Variants in ELP4 observed in about 807,000 individuals in gnomAD.
ELP4 encodes elongator complex protein 4.
In ELP4, 51 loss-of-function variants were observed where a neutral mutation model predicts 48.9. That is an observed-to-expected ratio of 1.04 (90% confidence interval 0.83 to 1.32). The LOEUF (loss-of-function observed/expected upper bound fraction) is 1.32, where lower values mean the gene tolerates loss of function less well. Among genes scored for constraint, ELP4 ranks in the 40% most tolerant of loss-of-function variants. The pLI is 0.00. For synonymous variants in ELP4, 210 were observed against 189.2 expected (o/e 1.11, Z -0.90); for missense variants, 519 against 514.6 (o/e 1.01, Z -0.08).
At chr11:31,782,620 A>T (rs934892914) in intron 9 of ELP4, among the ~76,000 whole-genome samples, 26 of 152,208 alleles carry the variant, frequency 1.7e-4, no homozygotes, top group Admixed American at 7.2e-4. Flanking sequence ...TAACTTCTGT[A>T]ATTGTGGTCA....
intron 9 of ELP4, among the ~76,000 whole-genome samples, chr11:31,766,331 G>T (rs1474230682): frequency 6.6e-6 from 1 of 152,064 alleles, no homozygotes; most frequent in African/African-American, 2.4e-5. Flanking sequence ...AGTTCTAGTT[G>T]TATATCTACC....
At chr11:31,732,311 G>A (rs1382198688) in intron 9 of ELP4, among the ~76,000 whole-genome samples, 1 of 152,052 alleles carries the variant, frequency 6.6e-6, no homozygotes, top group African/African-American at 2.4e-5. Context: ...TGGGGGTAGT[G>A]ATAGAATAGT....
chr11:31,576,634 C>T (rs1287852887), intron 3 of ELP4, among the ~76,000 whole-genome samples: 1 of 152,094 alleles, frequency 6.6e-6, no homozygotes, highest in East Asian at 1.9e-4. Flanking sequence ...AGGATTAAGA[C>T]ACTCACTCAA....
intron 3 of ELP4, among the ~76,000 whole-genome samples, chr11:31,587,815 A>G (rs570941620): frequency 2.6e-5 from 4 of 152,172 alleles, no homozygotes. Context: ...ACATTTTTAA[A>G]GATAGCTTTA....
intron 8 of ELP4, chr11:31,649,352 G>A (rs2134072332): frequency 6.6e-6 from 1 of 151,734 alleles, no homozygotes; most frequent in African/African-American, 2.4e-5. Flanking sequence ...GAAAGATGTA[G>A]TGAAGAACCT....
rs185357600 is a variant in ELP4 at position 31,517,065 on chromosome 11, C to A, written c.224-2991C>A. Reference sequence around the variant, plus strand: ...ATTGATGTTTAGCCTCACTGTAAATCGCTTAGCACAAGTCTCATGTTGCAT... The same window carrying A: ...ATTGATGTTTAGCCTCACTGTAAATAGCTTAGCACAAGTCTCATGTTGCAT... On this transcript the variant is annotated intron_variant, in intron 1 of 9. Transcript: ENST00000640961. Among the ~76,000 whole-genome samples the A allele has an allele frequency of 1.3e-3, 197 of 152,250 alleles. 1 individual carries two copies. Among genetic ancestry groups the A allele is most frequent in the African/African-American group, 4.2e-3 (173 of 41,544 alleles).
intron 6 of ELP4, chr11:31,628,546 C>T (rs752068961): frequency 1.3e-5 from 2 of 151,234 alleles, no homozygotes; most frequent in Non-Finnish European, 2.9e-5. Context: ...GTTGTTTATT[C>T]GATGATGAAA....
At chr11:31,623,071 A>G (rs1944655526) in intron 5 of ELP4, among the ~76,000 whole-genome samples, 1 of 151,138 alleles carries the variant, frequency 6.6e-6, no homozygotes, top group Admixed American at 6.6e-5. Flanking sequence ...ATTCAGGCAA[A>G]ATAGTATACA....
chr11:31,597,025 A>T (rs932520172), intron 4 of ELP4, among the ~76,000 whole-genome samples: 1 of 152,190 alleles, frequency 6.6e-6, no homozygotes, highest in African/African-American at 2.4e-5. Flanking sequence ...GGGGAAGCTG[A>T]TACTCATACT....
chr11:31,545,187 A>G (rs1414899630), intron 3 of ELP4, among the ~76,000 whole-genome samples: 1 of 152,206 alleles, frequency 6.6e-6, no homozygotes, highest in Non-Finnish European at 1.5e-5. Flanking sequence ...TCAAACTACG[A>G]GCTACAGGAG....
intron 6 of ELP4, among the ~76,000 whole-genome samples, chr11:31,629,008 A>G (rs1471511104): frequency 1.3e-5 from 2 of 152,064 alleles, no homozygotes; most frequent in Admixed American, 6.6e-5. Context: ...CAAATAAACA[A>G]CTAATTTGAG....
intron 1 of ELP4, among the ~76,000 whole-genome samples, chr11:31,519,239 C>T (rs1453017981): frequency 6.6e-6 from 1 of 152,052 alleles, no homozygotes; most frequent in Admixed American, 6.6e-5. Context: ...TAGAGCATGT[C>T]CAGACTTTGT....
chr11:31,723,589 T>C (rs1341800414), intron 9 of ELP4, among the ~76,000 whole-genome samples: 1 of 152,178 alleles, frequency 6.6e-6, no homozygotes, highest in Non-Finnish European at 1.5e-5. Context: ...CCAGACATTG[T>C]TCTAAGCACT....
chr11:31,719,920 A>G (rs1946924404), intron 9 of ELP4: 1 of 154,902 alleles, frequency 6.5e-6, no homozygotes, highest in Non-Finnish European at 1.4e-5. Flanking sequence ...ATTCTCTTAT[A>G]TCTGAAATTT....
intron 9 of ELP4, 126 bp downstream of exon 9, chr11:31,650,347 G>T: frequency 2.3e-6 from 1 of 443,274 alleles, no homozygotes; most frequent in South Asian, 6.7e-5. Flanking sequence ...CATGTTTTAT[G>T]CTAAGTATTT....
chr11:31,588,050 T>C (rs1424636679), intron 3 of ELP4, among the ~76,000 whole-genome samples: 2 of 152,158 alleles, frequency 1.3e-5, no homozygotes, highest in Admixed American at 6.5e-5. Context: ...TTAAAACATA[T>C]ATGTTTCTGT....
At chr11:31,659,299 T>C (rs947673874) in intron 9 of ELP4, among the ~76,000 whole-genome samples, 5 of 152,122 alleles carry the variant, frequency 3.3e-5, no homozygotes, top group African/African-American at 1.2e-4. Flanking sequence ...TCTGGTATCG[T>C]GAAATTCACT....
intron 3 of ELP4, among the ~76,000 whole-genome samples, chr11:31,584,725 G>A (rs1212234621): frequency 6.6e-6 from 1 of 151,894 alleles, no homozygotes; most frequent in East Asian, 1.9e-4. Context: ...GGGTTTCGCC[G>A]TGTTGGGCAG....
intron 5 of ELP4, among the ~76,000 whole-genome samples, chr11:31,608,686 A>G (rs908905517): frequency 1.3e-5 from 2 of 152,040 alleles, no homozygotes; most frequent in Admixed American, 6.6e-5. Flanking sequence ...GAATTTGGCT[A>G]AAATGTTTCG....
Sources: gnomAD v4.1 joint callset for allele counts (sites outside exome capture counted in the v4.1 genomes callset) on GRCh38, gnomAD v4.1.1 for gene constraint, MANE v1.5 for transcripts, NCBI Gene and HGNC (gene_info 2026-07-23, HGNC 2026-07-21) for gene names.